Variants in GRIP1 observed in about 807,000 individuals in gnomAD.
GRIP1 encodes the protein glutamate receptor-interacting protein 1.
GRIP1 carries 45 observed loss-of-function variants against 129.9 expected under a neutral mutation model. That is an observed-to-expected ratio of 0.35 (90% CI 0.27 to 0.44). GRIP1 has a LOEUF of 0.44. Among genes scored for constraint, GRIP1 ranks in the 20% least tolerant of loss-of-function variants. The probability of loss-of-function intolerance (pLI) is 1.00; values close to 1 mark genes in which losing one functional copy is unlikely to be tolerated. For synonymous variants in GRIP1, 530 were observed against 520.8 expected (o/e 1.02, Z -0.24); for missense variants, 1,196 against 1,396.8 (o/e 0.86, Z 2.29).
intron 1 of GRIP1, among the ~76,000 whole-genome samples, chr12:66,962,301 T>C (rs2041932601): frequency 6.6e-6 from 1 of 152,048 alleles, no homozygotes; most frequent in South Asian, 2.1e-4. Flanking sequence ...TCGTAAACAA[T>C]TTTATGCAAA....
intron 1 of GRIP1, among the ~76,000 whole-genome samples, chr12:66,891,470 C>A (rs1005625300): frequency 1.3e-5 from 2 of 152,128 alleles, no homozygotes; most frequent in Non-Finnish European, 2.9e-5. Flanking sequence ...GGATTTCTCT[C>A]CCATCTGAAG....
intron 7 of GRIP1, among the ~76,000 whole-genome samples, chr12:66,471,233 A>G (rs1326787012): frequency 6.6e-6 from 1 of 152,182 alleles, no homozygotes; most frequent in Non-Finnish European, 1.5e-5. Context: ...AAAATAAGTA[A>G]TACAAAGAAA....
At chr12:66,785,407 G>A (rs1217545210) in intron 1 of GRIP1, among the ~76,000 whole-genome samples, 2 of 144,504 alleles carry the variant, frequency 1.4e-5, no homozygotes, top group Non-Finnish European at 3.0e-5. Context: ...AGCTGCTCAC[G>A]AGGCTGACAC....
intron 1 of GRIP1, among the ~76,000 whole-genome samples, chr12:66,606,610 A>T (rs965942864): frequency 6.6e-6 from 1 of 152,200 alleles, no homozygotes; most frequent in South Asian, 2.1e-4. Flanking sequence ...CAATAACTCA[A>T]TAAAATGTAA....
At chr12:67,066,888 T>TTATA (rs1555170033) in intron 1 of GRIP1, among the ~76,000 whole-genome samples, 10,015 of 125,476 alleles carry the variant, frequency 0.08, 477 homozygotes, top group East Asian at 0.15. Flanking sequence ...AAATATATAT[T>TTATA]TATATATATA....
chr12:66,525,919 C>G (rs1013403699), intron 5 of GRIP1, among the ~76,000 whole-genome samples: 1 of 151,968 alleles, frequency 6.6e-6, no homozygotes, highest in Non-Finnish European at 1.5e-5. Flanking sequence ...CATGAGTTAA[C>G]TCCCATTCAC....
chr12:66,546,003 A>C (rs2061936229), intron 2 of GRIP1, among the ~76,000 whole-genome samples: 1 of 152,212 alleles, frequency 6.6e-6, no homozygotes, highest in South Asian at 2.1e-4. Flanking sequence ...AGCATAACAA[A>C]GACATTAATT....
chr12:66,348,979 T>C lies in GRIP1; in HGVS notation c.*40A>G. ...AAATCTTAAAGGATTTTTAGCACCATGTAGATATTGTCTTTTGTCCTGCTT... is the reference window on the plus strand; with the variant it reads ...AAATCTTAAAGGATTTTTAGCACCACGTAGATATTGTCTTTTGTCCTGCTT... On this transcript the variant is annotated 3_prime_UTR_variant, in exon 25 of 25. Transcript: ENST00000359742. The C allele has an allele frequency of 7.5e-7, 1 of 1,330,132 alleles. No homozygotes were observed. The highest frequency in any genetic ancestry group is 1.1e-6 in the Non-Finnish European group (1 of 920,050). 82.4% of individuals were successfully genotyped at this position (1,330,132 alleles called of 1,614,324 possible). A position where few individuals can be genotyped will look rare whatever the true frequency, so the allele number is the denominator to read the frequency against.
chr12:66,444,150 A>G (rs1047355964), intron 13 of GRIP1, among the ~76,000 whole-genome samples: 9 of 152,206 alleles, frequency 5.9e-5, no homozygotes, highest in African/African-American at 2.2e-4. Flanking sequence ...ATTCAAAACG[A>G]CACCCCAAAC....
At chr12:66,969,631 G>T (rs544280811) in intron 1 of GRIP1, among the ~76,000 whole-genome samples, 1 of 152,012 alleles carries the variant, frequency 6.6e-6, no homozygotes, top group Admixed American at 6.6e-5. Flanking sequence ...TGCCCAGGCT[G>T]GTCTGGAACT....
At chr12:67,056,674 T>C (rs559229041) in intron 1 of GRIP1, among the ~76,000 whole-genome samples, 3 of 152,266 alleles carry the variant, frequency 2.0e-5, no homozygotes, top group East Asian at 1.9e-4. Flanking sequence ...TTGAAAGCCA[T>C]ATTTTAAAAC....
chr12:66,937,899 A>G (rs1012603010), intron 1 of GRIP1, among the ~76,000 whole-genome samples: 4 of 152,218 alleles, frequency 2.6e-5, no homozygotes, highest in African/African-American at 9.7e-5. Context: ...TGCAGAGGAA[A>G]CATGATTTAA....
At chr12:66,721,859 A>AAAATTAAATTTTCTCACACCACAC in intron 1 of GRIP1, among the ~76,000 whole-genome samples, 9 of 152,166 alleles carry the variant, frequency 5.9e-5, no homozygotes, top group African/African-American at 2.2e-4. Flanking sequence ...CTTTTATGTT[A>AAAATTAAATTTTCTCACACCACAC]TGGAGACAGC....
chr12:66,383,415 C>A (rs2137422161), intron 19 of GRIP1, among the ~76,000 whole-genome samples: 1 of 152,244 alleles, frequency 6.6e-6, no homozygotes. Context: ...TCGATTCTAT[C>A]AGTGGGTCTC....
chr12:66,655,200 ATCC>A (rs2136163964), intron 1 of GRIP1, among the ~76,000 whole-genome samples: 1 of 152,336 alleles, frequency 6.6e-6, no homozygotes, highest in African/African-American at 2.4e-5. Flanking sequence ...GGGGGTTGTT[ATCC>A]TCCTGCTGTG....
At chr12:66,793,515 T>C (rs972276995) in intron 1 of GRIP1, among the ~76,000 whole-genome samples, 1 of 152,178 alleles carries the variant, frequency 6.6e-6, no homozygotes, top group Non-Finnish European at 1.5e-5. Context: ...CAAAGTATAA[T>C]TGAATACAAA....
At chr12:66,658,402 TTCCTTTTGGGAGCA>T (rs1225903019) in intron 1 of GRIP1, among the ~76,000 whole-genome samples, 11 of 152,158 alleles carry the variant, frequency 7.2e-5, no homozygotes, top group South Asian at 2.1e-4. Context: ...CTGTAATCCA[TTCCTTTTGGGAGCA>T]TCCTTTTGGG....
chr12:66,451,388 T>G (rs1466080082), intron 11 of GRIP1, among the ~76,000 whole-genome samples: 1 of 38,998 alleles, frequency 2.6e-5, no homozygotes, highest in Admixed American at 2.3e-4. Flanking sequence ...AATCTGTTTT[T>G]TTTTTTTTTT....
intron 16 of GRIP1, 46 bp from the exon 17 acceptor site, chr12:66,394,398 CAA>C (rs1448252804): frequency 1.3e-6 from 2 of 1,545,768 alleles, no homozygotes; most frequent in African/African-American, 1.4e-5. Context: ...TTGGAAAAAG[CAA>C]AAGAGTAAGA....
Sources: allele counts gnomAD v4.1 joint callset (sites outside exome capture counted in the v4.1 genomes callset), GRCh38; gene constraint gnomAD v4.1.1; transcripts MANE v1.5; gene names NCBI Gene and HGNC (gene_info 2026-07-23, HGNC 2026-07-21).